The following LEPR variants were observed in gnomAD, a reference collection of about 807,000 sequenced individuals.
LEPR encodes OB receptor.
Under a neutral mutation model 114.7 loss-of-function variants are expected in LEPR, and 56 were observed. That is an observed-to-expected ratio of 0.49 (90% CI 0.39 to 0.61). The LOEUF (loss-of-function observed/expected upper bound fraction) is 0.61, where lower values mean the gene tolerates loss of function less well. LEPR is among the 20% of genes least tolerant of loss of function. The pLI is 0.00. For synonymous variants in LEPR, 443 were observed against 461.4 expected, an observed-to-expected ratio of 0.96 and a Z score of 0.51; for missense variants, 1,202 against 1,352.9, an observed-to-expected ratio of 0.89 and a Z score of 1.75.
intron 14 of LEPR, among the ~76,000 whole-genome samples, chr1:65,612,311 C>T (rs1657229613): frequency 6.6e-6 from 1 of 152,198 alleles, no homozygotes; most frequent in Non-Finnish European, 1.5e-5. Flanking sequence ...CTAGTATTAA[C>T]ATCTTAGGCT....
At chr1:65,484,381 C>A (rs1570537996) in intron 2 of LEPR, among the ~76,000 whole-genome samples, 2 of 152,060 alleles carry the variant, frequency 1.3e-5, no homozygotes, top group South Asian at 2.1e-4. Context: ...CATATACATG[C>A]CTCCCACACT....
At chr1:65,442,505 ATG>A (rs1646662474) in intron 2 of LEPR, among the ~76,000 whole-genome samples, 2 of 152,192 alleles carry the variant, frequency 1.3e-5, no homozygotes, top group Non-Finnish European at 2.9e-5. Flanking sequence ...CCTTGGGCAC[ATG>A]TTCTCAGGAT....
chr1:65,518,621 A>G (rs537855652), intron 2 of LEPR, among the ~76,000 whole-genome samples: 10 of 152,192 alleles, frequency 6.6e-5, no homozygotes, highest in Non-Finnish European at 1.2e-4. Context: ...ACATCTTACT[A>G]TAAGCAGCGA....
At chr1:65,517,203 C>A (rs1254057586) in intron 2 of LEPR, among the ~76,000 whole-genome samples, 2 of 152,098 alleles carry the variant, frequency 1.3e-5, no homozygotes, top group Non-Finnish European at 2.9e-5. Context: ...ACTGGTGGTT[C>A]CTGCAGGGTA....
intron 2 of LEPR, among the ~76,000 whole-genome samples, chr1:65,467,560 C>T (rs188488113): frequency 1.6e-4 from 25 of 152,266 alleles, no homozygotes; most frequent in Admixed American, 4.6e-4. Flanking sequence ...AACCACTGCT[C>T]GCTTCAGAGC....
intron 2 of LEPR, among the ~76,000 whole-genome samples, chr1:65,490,222 T>C (rs1647791904): frequency 6.6e-6 from 1 of 152,112 alleles, no homozygotes; most frequent in African/African-American, 2.4e-5. Context: ...GTGTTGTTTT[T>C]ATTACTGGGG....
intron 2 of LEPR, among the ~76,000 whole-genome samples, chr1:65,545,729 T>C (rs1409939210): frequency 6.6e-6 from 1 of 152,238 alleles, no homozygotes; most frequent in African/African-American, 2.4e-5. Flanking sequence ...ATGAGTAGTT[T>C]GTGAAAATTT....
At chr1:65,472,507 A>G (rs1647098920) in intron 2 of LEPR, among the ~76,000 whole-genome samples, 1 of 146,850 alleles carries the variant, frequency 6.8e-6, no homozygotes, top group South Asian at 2.1e-4. Flanking sequence ...GTAAATGGTG[A>G]ATGAAGTAGA....
intron 2 of LEPR, among the ~76,000 whole-genome samples, chr1:65,535,721 A>C (rs1228920769): frequency 6.6e-6 from 1 of 152,146 alleles, no homozygotes; most frequent in Non-Finnish European, 1.5e-5. Flanking sequence ...AATTTAGGTA[A>C]GTGGCTTCTT....
chr1:65,424,103 T>C (rs934268035), intron 1 of LEPR, among the ~76,000 whole-genome samples: 1 of 152,190 alleles, frequency 6.6e-6, no homozygotes, highest in African/African-American at 2.4e-5. Context: ...TGTTTGTGAC[T>C]CAGAGCTCAA....
At chr1:65,548,044 T>C in intron 2 of LEPR, among the ~76,000 whole-genome samples, 1 of 151,972 alleles carries the variant, frequency 6.6e-6, no homozygotes, top group Non-Finnish European at 1.5e-5. Flanking sequence ...CATCTTTATT[T>C]CTGCCTTCAT....
At chr1:65,544,733 T>C (rs1651525674) in intron 2 of LEPR, among the ~76,000 whole-genome samples, 1 of 151,540 alleles carries the variant, frequency 6.6e-6, no homozygotes, top group South Asian at 2.1e-4. Context: ...TAATAGAATA[T>C]TATTCAGCCT....
chr1:65,445,117 G>A (rs989827055), intron 2 of LEPR, among the ~76,000 whole-genome samples: 4 of 152,122 alleles, frequency 2.6e-5, no homozygotes, highest in African/African-American at 9.7e-5. Flanking sequence ...TGGGACAATA[G>A]GTGTAAATTG....
chr1:65,634,980 A>G, intron 19 of LEPR: 1 of 820,658 alleles, frequency 1.2e-6, no homozygotes, highest in Non-Finnish European at 1.5e-6. Context: ...GCAGTATTTT[A>G]ATACCTACAT....
At chr1:65,474,108 G>A (rs1172135094) in intron 2 of LEPR, among the ~76,000 whole-genome samples, 2 of 152,166 alleles carry the variant, frequency 1.3e-5, no homozygotes, top group South Asian at 2.1e-4. Flanking sequence ...AGCTTCGTAT[G>A]TGTGTTTTAC....
intron 2 of LEPR, among the ~76,000 whole-genome samples, chr1:65,440,128 G>A (rs1646631020): frequency 1.3e-5 from 2 of 151,880 alleles, no homozygotes; most frequent in Admixed American, 6.6e-5. Flanking sequence ...GGATAGAGAC[G>A]ATTGGTGGCT....
chr1:65,537,615 C>T lies in LEPR; in HGVS notation c.-20-27931C>T, dbSNP rs567229403. 7.2e-5 allele frequency among the ~76,000 whole-genome samples: 11 copies of T among 152,182 alleles called. No individual in the cohort carries two copies. The South Asian group carries it at 2.3e-3, about 32-fold the overall frequency. ...TGTCATTTCCACCACGATATTTGTT[C>T]CATTAACTACAGACAGTTTCTCTTG... On this transcript the variant is annotated intron_variant, in intron 2 of 19. Transcript: ENST00000349533.
At chr1:65,469,084 G>A (rs888544567) in intron 2 of LEPR, among the ~76,000 whole-genome samples, 1 of 152,184 alleles carries the variant, frequency 6.6e-6, no homozygotes, top group Admixed American at 6.5e-5. Flanking sequence ...TAATCATCAT[G>A]TATGCCCAAT....
intron 2 of LEPR, chr1:65,433,078 C>G: frequency 1.0e-6 from 1 of 985,186 alleles, no homozygotes; most frequent in Non-Finnish European, 1.2e-6. Flanking sequence ...TCGAGCCAGC[C>G]CCTGCGTTAG....
Sources: allele counts gnomAD v4.1 joint callset (sites outside exome capture counted in the v4.1 genomes callset), GRCh38; gene constraint gnomAD v4.1.1; transcripts MANE v1.5; gene names NCBI Gene and HGNC (gene_info 2026-07-23, HGNC 2026-07-21).